The following SLA2 variants were observed in gnomAD, a reference collection of about 807,000 sequenced individuals.
SLA2 encodes src-like-adapter 2.
Under a neutral mutation model 27.3 loss-of-function variants are expected in SLA2, and 22 were observed. The observed-to-expected ratio is 0.81, with a 90% CI of 0.58 to 1.15. SLA2 has a LOEUF of 1.15. Ranked by LOEUF, SLA2 falls within the 50% of genes most tolerant of loss-of-function variation. The pLI is 0.00. For synonymous variants in SLA2, 131 were observed against 137.8 expected (o/e 0.95, Z 0.34); for missense variants, 304 against 322.2 (o/e 0.94, Z 0.43).
intron 5 of SLA2, among the ~76,000 whole-genome samples, chr20:36,619,681 A>T (rs1238756674): frequency 6.9e-6 from 1 of 144,768 alleles, no homozygotes; most frequent in Non-Finnish European, 1.5e-5. Flanking sequence ...CCCAGGCTGG[A>T]GTGCAGTGGC....
intron 1 of SLA2, among the ~76,000 whole-genome samples, chr20:36,643,132 A>G (rs1192543887): frequency 6.6e-6 from 1 of 152,242 alleles, no homozygotes; most frequent in Non-Finnish European, 1.5e-5. Flanking sequence ...TTAGTGAGGC[A>G]TCACAGAAAG....
chr20:36,621,653 A>G (rs2039284435), intron 5 of SLA2, among the ~76,000 whole-genome samples: 1 of 150,298 alleles, frequency 6.7e-6, no homozygotes, highest in Admixed American at 6.6e-5. Flanking sequence ...ACAAAAAACA[A>G]AAACTGAACA....
At chr20:36,644,794 G>A (rs1182126996) in intron 1 of SLA2, among the ~76,000 whole-genome samples, 1 of 151,670 alleles carries the variant, frequency 6.6e-6, no homozygotes, top group Non-Finnish European at 1.5e-5. Flanking sequence ...ACTTTCCGGA[G>A]GACATGAGGC....
intron 5 of SLA2, among the ~76,000 whole-genome samples, chr20:36,627,582 A>G (rs553957532): frequency 1.2e-4 from 18 of 152,322 alleles, no homozygotes; most frequent in African/African-American, 4.3e-4. Context: ...TTGCTCATCA[A>G]TCTCCCTTAT....
At chr20:36,637,530 T>G (rs2039463847) in intron 2 of SLA2, among the ~76,000 whole-genome samples, 1 of 152,070 alleles carries the variant, frequency 6.6e-6, no homozygotes, top group African/African-American at 2.4e-5. Context: ...AGCCCAGTAC[T>G]CTTGTTTGAA....
intron 5 of SLA2, among the ~76,000 whole-genome samples, chr20:36,628,897 A>C (rs1157656901): frequency 1.3e-5 from 2 of 151,778 alleles, no homozygotes; most frequent in Non-Finnish European, 2.9e-5. Flanking sequence ...CATGACCCGC[A>C]GGAAAATTTT....
Position 36,632,559 on chromosome 20 carries a change from G to A in SLA2, c.382+36C>T, listed in dbSNP as rs745410037. 1.6e-5 allele frequency: 24 copies of A among 1,535,528 alleles called. No homozygotes were observed. In the African/African-American group the frequency reaches 2.3e-4, roughly 15 times the overall value. On this transcript the variant is annotated intron_variant, in intron 5 of 7. Transcript: ENST00000262866. The stretch of plus-strand genomic sequence containing the variant: ...GTGGGCTCCTTTCTGAGACCTCCAC[G>A]TAGGGAGGGCCTGGGCTGGCACCGA...
chr20:36,637,092 C>G (rs1289475276), intron 2 of SLA2, among the ~76,000 whole-genome samples: 1 of 151,656 alleles, frequency 6.6e-6, no homozygotes, highest in Non-Finnish European at 1.5e-5. Context: ...ATTGTCTTGG[C>G]TCATCAGTGT....
At chr20:36,623,261 C>T (rs1266160819) in intron 5 of SLA2, among the ~76,000 whole-genome samples, 1 of 98,136 alleles carries the variant, frequency 1.0e-5, no homozygotes, top group African/African-American at 4.1e-5. Context: ...AGTGACATTA[C>T]ATCTCAAAAA....
intron 1 of SLA2, among the ~76,000 whole-genome samples, chr20:36,642,897 G>T (rs1026755798): frequency 6.6e-6 from 1 of 151,690 alleles, no homozygotes; most frequent in African/African-American, 2.4e-5. Context: ...TTTTTCTTAA[G>T]TTACGGGCTC....
At chr20:36,641,188 C>G in intron 2 of SLA2, 57 bp downstream of exon 2, 1 of 1,423,002 alleles carries the variant, frequency 7.0e-7, no homozygotes, top group Non-Finnish European at 9.9e-7. Flanking sequence ...CCCACAGAGG[C>G]AGTGAAGTCT....
chr20:36,641,122 T>C, intron 2 of SLA2, 123 bp downstream of exon 2: 2 of 763,536 alleles, frequency 2.6e-6, no homozygotes, highest in African/African-American at 1.7e-5. Context: ...CAGGGCCTGG[T>C]ATGCAGCAGG....
intron 2 of SLA2, among the ~76,000 whole-genome samples, chr20:36,640,303 A>G (rs564544663): frequency 2.0e-5 from 3 of 152,024 alleles, no homozygotes; most frequent in Non-Finnish European, 2.9e-5. Context: ...TGTATTAAAA[A>G]ATATATATAT....
At position 36,614,443 on chromosome 20, in the gene SLA2, G is replaced by A. The variant is rs762561830; in HGVS notation, c.533-6C>T. ...GCAGATGTCATCCGCCAGCTCTGAG[G>A]AAGAGACCTCCATCCCTGACATGAC... On this transcript the variant is annotated splice_polypyrimidine_tract_variant and splice_region_variant and intron_variant, in intron 6 of 7. Transcript: ENST00000262866. The A allele has an allele frequency of 5.6e-6, 9 of 1,601,504 alleles. No homozygotes were observed. Among genetic ancestry groups the A allele is most frequent in the Non-Finnish European group, 7.7e-6 (9 of 1,173,092 alleles).
chr20:36,640,526 T>G (rs1268781172), intron 2 of SLA2, among the ~76,000 whole-genome samples: 1 of 147,148 alleles, frequency 6.8e-6, no homozygotes, highest in Admixed American at 6.8e-5. Context: ...TTTTTTTTTG[T>G]TAGACGAATT....
At chr20:36,621,125 C>T in intron 5 of SLA2, 1 of 382,116 alleles carries the variant, frequency 2.6e-6, no homozygotes, top group Non-Finnish European at 5.2e-6. Flanking sequence ...GATGGTGAGC[C>T]TGCTTATAGC....
rs1009688609 is a variant in SLA2, at chr20:36,633,568, C to T, written c.253G>A (p.Val85Ile). 31 of 1,613,966 alleles carry T rather than the reference C, an allele frequency of 1.9e-5. No individual in the cohort carries two copies. The highest frequency in any genetic ancestry group is 3.3e-5 in the Admixed American group (2 of 59,988). The change falls in exon 4 of 8, where the codon GTC (valine) becomes ATC (isoleucine). Residue 85 changes from valine (V) to isoleucine (I), a missense_variant. Physicochemically the swap from Val to Ile is conservative, Grantham distance 29 (BLOSUM62 3). Transcript: ENST00000262866. ...CCATGGGAGACTTTGGCCACGTGGA[C>T]GCTGGGGATGTTATACTCTCTGCCT... ...VSGREYNIPS[V>I]HVAKVSHGWL...
chr20:36,632,541 C>T, intron 5 of SLA2, 54 bp downstream of exon 5: 1 of 1,408,756 alleles, frequency 7.1e-7, no homozygotes, highest in South Asian at 1.2e-5. Flanking sequence ...TCTGTGGGCT[C>T]CTTTCTGAGA....
intron 2 of SLA2, among the ~76,000 whole-genome samples, chr20:36,636,545 C>T (rs187450028): frequency 0.014 from 2,019 of 143,906 alleles, 53 homozygotes; most frequent in African/African-American, 0.049. Flanking sequence ...GCGGAGGTTG[C>T]GGTGAGCGGA....
Sources: allele counts gnomAD v4.1 joint callset (sites outside exome capture counted in the v4.1 genomes callset), GRCh38; gene constraint gnomAD v4.1.1; transcripts MANE v1.5; gene names NCBI Gene and HGNC (gene_info 2026-07-23, HGNC 2026-07-21).